Variants in ATP8A2 observed in about 807,000 individuals in gnomAD.
ATP8A2 encodes the protein phospholipid-transporting ATPase IB.
Under a neutral mutation model 165.6 loss-of-function variants are expected in ATP8A2, and 100 were observed. The observed-to-expected ratio is 0.60, with a 90% CI of 0.51 to 0.71. The LOEUF (loss-of-function observed/expected upper bound fraction) is 0.71, where lower values mean the gene tolerates loss of function less well. Ranked by LOEUF, ATP8A2 falls within the 30% of genes least tolerant of loss-of-function variation. The pLI is 0.00. For synonymous variants in ATP8A2, 543 were observed against 548.8 expected, an observed-to-expected ratio of 0.99 and a Z score of 0.15; for missense variants, 1,227 against 1,479.5, an observed-to-expected ratio of 0.83 and a Z score of 2.80.
At chr13:25,546,762 A>G (rs950838896) in intron 10 of ATP8A2, among the ~76,000 whole-genome samples, 1 of 152,206 alleles carries the variant, frequency 6.6e-6, no homozygotes, top group African/African-American at 2.4e-5. Flanking sequence ...GTATGTGCTC[A>G]TTTTACAGAT....
At chr13:25,758,191 C>CT (rs2138231268) in intron 25 of ATP8A2, among the ~76,000 whole-genome samples, 1 of 152,234 alleles carries the variant, frequency 6.6e-6, no homozygotes, top group East Asian at 1.9e-4. Context: ...TGATCAAAAA[C>CT]TGCAAGATGA....
At chr13:25,950,030 C>A (rs1955310944) in intron 33 of ATP8A2, among the ~76,000 whole-genome samples, 1 of 152,178 alleles carries the variant, frequency 6.6e-6, no homozygotes, top group Non-Finnish European at 1.5e-5. Context: ...GAACTCTTGA[C>A]CTCAGGTGAT....
intron 2 of ATP8A2, among the ~76,000 whole-genome samples, chr13:25,479,663 G>C (rs1272826254): frequency 6.6e-6 from 1 of 151,926 alleles, no homozygotes; most frequent in Admixed American, 6.6e-5. Flanking sequence ...GTGTCCCTGG[G>C]TACTTGAGAT....
rs937608699 is a variant in ATP8A2, at chr13:25,372,281, G to C, written c.69G>C (p.Ser23=). The change falls in exon 1 of 37, where the codon TCG becomes TCC. Residue 23 remains serine, a synonymous_variant. Transcript: ENST00000381655. The surrounding 1 kb of genome is among the most constrained non-coding windows in gnomAD (Gnocchi z 4.8). ...MSLPRRSRIR[S]SVGPVRSSLG... is the part of the protein sequence containing the mutation. ...TGCCGCGGAGGTCGAGGATCCGCTC[G>C]TCCGTGGGTGAGCTGGGAGGGGCGC... 1 of 1,474,450 alleles carries C rather than the reference G, an allele frequency of 6.8e-7. No homozygotes were observed. The highest frequency in any genetic ancestry group is 1.3e-5 in the South Asian group (1 of 77,718). 91.3% of individuals were successfully genotyped at this position (1,474,450 alleles called of 1,614,324 possible). A position where few individuals can be genotyped will look rare whatever the true frequency, so the allele number is the denominator to read the frequency against.
intron 24 of ATP8A2, among the ~76,000 whole-genome samples, chr13:25,642,111 T>G (rs1315597972): frequency 6.6e-6 from 1 of 152,130 alleles, no homozygotes; most frequent in Non-Finnish European, 1.5e-5. Flanking sequence ...CAAGATGGAT[T>G]AAAGACTTAA....
At chr13:25,769,671 T>A (rs1225562326) in intron 26 of ATP8A2, among the ~76,000 whole-genome samples, 1 of 126,806 alleles carries the variant, frequency 7.9e-6, no homozygotes, top group Non-Finnish European at 1.6e-5. Flanking sequence ...CCTGGCTAGG[T>A]GCTTAAGGTC....
At chr13:25,622,330 A>G (rs931135482) in intron 24 of ATP8A2, among the ~76,000 whole-genome samples, 1 of 152,188 alleles carries the variant, frequency 6.6e-6, no homozygotes, top group African/African-American at 2.4e-5. Flanking sequence ...GAAGCAAAGA[A>G]ATGGAAATAG....
chr13:25,474,826 A>G (rs949936052), intron 2 of ATP8A2, among the ~76,000 whole-genome samples: 8 of 150,492 alleles, frequency 5.3e-5, no homozygotes, highest in African/African-American at 2.0e-4. Flanking sequence ...AGTACTCAAT[A>G]GTTATTATTA....
At chr13:25,584,274 G>A (rs4384468) in intron 23 of ATP8A2, among the ~76,000 whole-genome samples, 90,698 of 151,928 alleles carry the variant, frequency 0.6, 28,718 homozygotes, top group Middle Eastern at 0.71. Context: ...TTTCAGTGTG[G>A]GACCACAGGC....
chr13:25,852,387 G>A (rs1952029115), intron 30 of ATP8A2, among the ~76,000 whole-genome samples: 1 of 152,050 alleles, frequency 6.6e-6, no homozygotes, highest in Non-Finnish European at 1.5e-5. Flanking sequence ...ATAAACTCTG[G>A]GCTAATGAAA....
intron 1 of ATP8A2, among the ~76,000 whole-genome samples, chr13:25,397,066 G>T (rs577753781): frequency 6.6e-6 from 1 of 152,344 alleles, no homozygotes; most frequent in East Asian, 1.9e-4. Flanking sequence ...TTTTCGCTGA[G>T]TTAAATAAAG....
intron 33 of ATP8A2, among the ~76,000 whole-genome samples, chr13:25,905,323 T>C (rs1324489848): frequency 1.3e-4 from 20 of 152,190 alleles, no homozygotes; most frequent in Admixed American, 1.3e-3. Context: ...AGTTTTTCTC[T>C]TCCTCTCCGA....
At chr13:25,488,074 A>G (rs1182050077) in intron 2 of ATP8A2, among the ~76,000 whole-genome samples, 1 of 152,218 alleles carries the variant, frequency 6.6e-6, no homozygotes, top group African/African-American at 2.4e-5. Context: ...AATGCCTAGG[A>G]CACAGTACAG....
In ATP8A2 at chr13:25,671,439, A is replaced by G. The variant is rs369172697; in HGVS notation, c.2212-27734A>G. Among the ~76,000 whole-genome samples, 12 of 152,332 alleles carry G rather than the reference A, an allele frequency of 7.9e-5. No homozygotes were observed. The South Asian group carries it at 2.5e-3, about 32-fold the overall frequency. On this transcript the variant is annotated intron_variant, in intron 24 of 36. Transcript: ENST00000381655. The stretch of plus-strand genomic sequence containing the variant: ...ACCGCCGGTGAGCCAGGCGGAACAG[A>G]GCCATATTTCTCTTCTTTCAAAAGC...
chr13:25,737,656 G>A (rs147886508), intron 25 of ATP8A2, among the ~76,000 whole-genome samples: 3 of 151,818 alleles, frequency 2.0e-5, no homozygotes, highest in East Asian at 1.9e-4. Context: ...ATGCCACCAC[G>A]CCTGGCTTTT....
chr13:25,992,196 C>G (rs1271893369), intron 35 of ATP8A2, among the ~76,000 whole-genome samples: 1 of 148,286 alleles, frequency 6.7e-6, no homozygotes, highest in Non-Finnish European at 1.5e-5. Flanking sequence ...TTTCTATATC[C>G]TTGCCAGCAT....
intron 33 of ATP8A2, among the ~76,000 whole-genome samples, chr13:25,892,149 G>A (rs1372583439): frequency 3.3e-5 from 5 of 151,876 alleles, no homozygotes; most frequent in African/African-American, 1.2e-4. Flanking sequence ...CTAATCTTTT[G>A]TACTTTTTTA....
intron 36 of ATP8A2, among the ~76,000 whole-genome samples, chr13:26,015,892 C>T (rs1177131440): frequency 6.6e-6 from 1 of 152,160 alleles, no homozygotes; most frequent in Non-Finnish European, 1.5e-5. Flanking sequence ...CCGAGCTCCC[C>T]GTTTGGATGC....
At chr13:25,757,550 T>C (rs1473759444) in intron 25 of ATP8A2, among the ~76,000 whole-genome samples, 1 of 151,870 alleles carries the variant, frequency 6.6e-6, no homozygotes, top group African/African-American at 2.4e-5. Flanking sequence ...AGAGAGGGTG[T>C]TCTCTGCCAA....
Sources: gnomAD v4.1 joint callset for allele counts (sites outside exome capture counted in the v4.1 genomes callset) on GRCh38, gnomAD v4.1.1 for gene constraint, Gnocchi (gnomAD v3.1) non-coding constraint, MANE v1.5 for transcripts, NCBI Gene and HGNC (gene_info 2026-07-23, HGNC 2026-07-21) for gene names.